Variants in EYS observed in about 807,000 individuals in gnomAD.
EYS encodes EGF-like photoreceptor maintenance factor, also known as protein eyes shut homolog.
In EYS, 250 loss-of-function variants were observed where a neutral mutation model predicts 282.1. That is an observed-to-expected ratio of 0.89 (90% CI 0.80 to 0.98). The LOEUF (loss-of-function observed/expected upper bound fraction) is 0.98, where lower values mean the gene tolerates loss of function less well. EYS is among the 50% of genes least tolerant of loss of function. The pLI, the probability that EYS is intolerant of heterozygous loss-of-function variation, is 0.00. For synonymous variants in EYS, 1,355 were observed against 1,282.9 expected (o/e 1.06, Z -1.20); for missense variants, 4,016 against 3,709.0 (o/e 1.08, Z -2.15).
At chr6:65,269,189 G>T (rs915871456) in intron 12 of EYS, among the ~76,000 whole-genome samples, 1 of 151,956 alleles carries the variant, frequency 6.6e-6, no homozygotes, top group Non-Finnish European at 1.5e-5. Flanking sequence ...TCATGTCTTT[G>T]AACATATTCC....
chr6:64,737,131 A>G (rs1396757302), intron 22 of EYS, among the ~76,000 whole-genome samples: 1 of 152,176 alleles, frequency 6.6e-6, no homozygotes, highest in Non-Finnish European at 1.5e-5. Flanking sequence ...CTGCATGAAG[A>G]CCAATATCAT....
intron 37 of EYS, chr6:63,797,816 AACAG>A (rs1198213850): frequency 4.6e-5 from 7 of 152,198 alleles, no homozygotes; most frequent in African/African-American, 1.4e-4. Context: ...TGTGCTAGTG[AACAG>A]ACAGTGTGGA....
chr6:64,179,133 A>G (rs917314144), intron 31 of EYS, among the ~76,000 whole-genome samples: 1 of 152,086 alleles, frequency 6.6e-6, no homozygotes, highest in African/African-American at 2.4e-5. Flanking sequence ...TTATTTAAAA[A>G]CTAAAGAATG....
intron 35 of EYS, among the ~76,000 whole-genome samples, chr6:63,874,120 GGTT>G (rs1425053643): frequency 6.6e-6 from 1 of 152,016 alleles, no homozygotes; most frequent in Non-Finnish European, 1.5e-5. Context: ...CAGTTTTTAT[GGTT>G]TTAGGCCTAA....
chr6:64,488,478 T>G (rs761941555), intron 26 of EYS, among the ~76,000 whole-genome samples: 6 of 151,254 alleles, frequency 4.0e-5, no homozygotes, highest in Non-Finnish European at 7.4e-5. Context: ...TAATAGACTA[T>G]TGTTAAAATG....
At chr6:63,883,074 C>T (rs896548749) in intron 35 of EYS, among the ~76,000 whole-genome samples, 1 of 152,176 alleles carries the variant, frequency 6.6e-6, no homozygotes, top group Non-Finnish European at 1.5e-5. Flanking sequence ...ATAGTATTCA[C>T]CTTTGTTCAA....
chr6:64,028,582 T>C (rs1769652885), intron 33 of EYS, among the ~76,000 whole-genome samples: 1 of 152,188 alleles, frequency 6.6e-6, no homozygotes, highest in Admixed American at 6.5e-5. Context: ...TATATTCCCC[T>C]GCACTCTGAG....
intron 2 of EYS, among the ~76,000 whole-genome samples, chr6:65,571,334 C>T (rs191566843): frequency 3.6e-4 from 55 of 151,900 alleles, no homozygotes; most frequent in Admixed American, 7.2e-4. Flanking sequence ...CCAAGGTGAA[C>T]AAGAATAAAA....
intron 30 of EYS, among the ~76,000 whole-genome samples, chr6:64,267,751 G>A (rs1402191868): frequency 6.6e-6 from 1 of 151,842 alleles, no homozygotes; most frequent in African/African-American, 2.4e-5. Context: ...AAAAGCCAAT[G>A]AAAAAATAAC....
At chr6:64,391,527 G>A (rs1773140664) in intron 28 of EYS, among the ~76,000 whole-genome samples, 1 of 151,896 alleles carries the variant, frequency 6.6e-6, no homozygotes. Flanking sequence ...GCCAAACTAA[G>A]CTTCATAAGC....
intron 31 of EYS, among the ~76,000 whole-genome samples, chr6:64,100,872 C>T (rs912473866): frequency 1.3e-5 from 2 of 152,108 alleles, no homozygotes; most frequent in Non-Finnish European, 2.9e-5. Flanking sequence ...GTTAGGCACT[C>T]CCCCTCCTCC....
intron 8 of EYS, among the ~76,000 whole-genome samples, chr6:65,379,636 G>A (rs865788565): frequency 6.6e-5 from 10 of 152,072 alleles, no homozygotes; most frequent in Middle Eastern, 6.8e-3. Flanking sequence ...GCAAGAGAAA[G>A]AAATAAAGGG....
At chr6:64,568,656 G>A (rs185523705) in intron 26 of EYS, among the ~76,000 whole-genome samples, 59 of 152,218 alleles carry the variant, frequency 3.9e-4, no homozygotes, top group Admixed American at 8.5e-4. Flanking sequence ...CTGCTCAAGT[G>A]GGTCCCTGAC....
chr6:64,234,186 G>T (rs1490201527), intron 30 of EYS, among the ~76,000 whole-genome samples: 2 of 152,104 alleles, frequency 1.3e-5, no homozygotes, highest in African/African-American at 4.8e-5. Context: ...GTGTTTGATT[G>T]TAAAGAGTAG....
chr6:64,781,175 T>A (rs942545350), intron 22 of EYS, among the ~76,000 whole-genome samples: 36 of 152,192 alleles, frequency 2.4e-4, no homozygotes, highest in Admixed American at 6.5e-4. Flanking sequence ...GATACCCAGT[T>A]AAATGTGAAT....
intron 22 of EYS, among the ~76,000 whole-genome samples, chr6:64,813,124 TA>T (rs56215318): frequency 0.14 from 21,835 of 151,520 alleles, 1,690 homozygotes; most frequent in East Asian, 0.22. Flanking sequence ...GGAGAAGAGA[TA>T]AAAAAACAAT....
chr6:64,029,361 T>C (rs548734928), intron 33 of EYS, among the ~76,000 whole-genome samples: 1 of 152,304 alleles, frequency 6.6e-6, no homozygotes, highest in African/African-American at 2.4e-5. Flanking sequence ...CATCTTAGTG[T>C]CAGAGGCTAT....
chr6:64,040,092 G>A (rs1485440967), intron 33 of EYS, among the ~76,000 whole-genome samples: 1 of 152,238 alleles, frequency 6.6e-6, no homozygotes, highest in Middle Eastern at 3.4e-3. Flanking sequence ...TCAGTTCCAA[G>A]TTAGAACTGA....
rs192309219 is a variant in EYS at position 64,981,419 on chromosome 6, T to G, written c.2259+16163A>C. 1.9e-3 allele frequency among the ~76,000 whole-genome samples: 293 copies of G among 151,274 alleles called. 2 individuals carry two copies. The highest frequency in any genetic ancestry group is 3.4e-3 in the Non-Finnish European group (227 of 67,482). ...CTCTATGCCTTCTTTCTGAACAAAT[T>G]CACTTTTGTTCATGTTTTTTTCACT... On this transcript the variant is annotated intron_variant, in intron 14 of 42. Coordinates refer to ENST00000503581, the MANE Select transcript of EYS (RefSeq NM_001142800.2).
Sources: allele counts gnomAD v4.1 joint callset (sites outside exome capture counted in the v4.1 genomes callset), GRCh38; gene constraint gnomAD v4.1.1; transcripts MANE v1.5; gene names NCBI Gene and HGNC (gene_info 2026-07-23, HGNC 2026-07-21).